Variants in MTNR1B observed in about 807,000 individuals in gnomAD.
MTNR1B encodes the protein melatonin receptor type 1B.
A neutral mutation model predicts 7.0 loss-of-function variants in MTNR1B; 7 were observed. The ratio of observed to expected loss-of-function variants is 1.00; its 90% CI spans 0.57 to 1.88. The LOEUF (loss-of-function observed/expected upper bound fraction) is 1.88, where lower values mean the gene tolerates loss of function less well. MTNR1B is among the 40% of genes most tolerant of loss of function. MTNR1B has a pLI of 0.00. For missense variants in MTNR1B, 478 were observed against 486.5 expected (o/e 0.98, Z 0.16); for synonymous variants, 226 against 208.2 (o/e 1.09, Z -0.74).
At position 92,982,072 on chromosome 11, in the gene MTNR1B, C is replaced by A; in HGVS notation, c.849C>A (p.Pro283=). Residue 283 remains proline, a synonymous_variant, in exon 2 of 2, where the codon CCC becomes CCA. Coordinates refer to ENST00000257068, the MANE Select transcript of MTNR1B (RefSeq NM_005959.5). ...AVAINPQEMA[P]QIPEGLFVTS... is the part of the protein sequence containing the mutation. ...CCATCAACCCCCAAGAAATGGCTCCCCAGATCCCTGAGGGGCTATTTGTCA... is the reference window on the plus strand; with the variant it reads ...CCATCAACCCCCAAGAAATGGCTCCACAGATCCCTGAGGGGCTATTTGTCA... 1 of 1,614,238 alleles carries A rather than the reference C, an allele frequency of 6.2e-7. No homozygotes were observed. The highest frequency in any genetic ancestry group is 8.5e-7 in the Non-Finnish European group (1 of 1,180,054).
At chr11:92,980,411 C>T (rs1858082049) in intron 1 of MTNR1B, among the ~76,000 whole-genome samples, 2 of 152,170 alleles carry the variant, frequency 1.3e-5, no homozygotes, top group African/African-American at 4.8e-5. Flanking sequence ...ACACTATGAG[C>T]TTTGTATTGC....
At chr11:92,972,807 G>T (rs1451378124) in intron 1 of MTNR1B, among the ~76,000 whole-genome samples, 1 of 151,952 alleles carries the variant, frequency 6.6e-6, no homozygotes, top group Non-Finnish European at 1.5e-5. Flanking sequence ...TTGCATTTTT[G>T]AGCTCTTCCT....
rs1252145548 is a variant in MTNR1B, at chr11:92,981,792, G to A, written c.569G>A (p.Cys190Tyr). Residue 190 changes from cysteine to tyrosine, a missense_variant, in exon 2 of 2, where the codon TGC becomes TAC. Coordinates refer to ENST00000257068, the MANE Select transcript of MTNR1B (RefSeq NM_005959.5). ...GAGTACGACCCACGCATCTATTCCT[G>A]CACCTTCATCCAGACCGCCAGCACC... is the stretch of plus-strand genomic sequence containing the variant. The part of the protein sequence containing the change: ...SLEYDPRIYS[C>Y]TFIQTASTQY... 1 of 1,614,162 alleles carries A rather than the reference G, an allele frequency of 6.2e-7. No individual in the cohort carries two copies. The highest frequency in any genetic ancestry group is 1.7e-5 in the Admixed American group (1 of 60,024).
chr11:92,984,598 G>A (rs1465704021), downstream of MTNR1B, among the ~76,000 whole-genome samples: 1 of 152,174 alleles, frequency 6.6e-6, no homozygotes, highest in African/African-American at 2.4e-5. Context: ...CTAATTTGGA[G>A]GAGAAGGAGG....
chr11:92,976,164 C>T (rs1241226996), intron 1 of MTNR1B, among the ~76,000 whole-genome samples: 1 of 152,156 alleles, frequency 6.6e-6, no homozygotes, highest in Non-Finnish European at 1.5e-5. Context: ...CTCCAGAAAG[C>T]TGGATTCTGC....
intron 1 of MTNR1B, among the ~76,000 whole-genome samples, chr11:92,974,894 G>A (rs886257183): frequency 6.6e-5 from 10 of 152,152 alleles, no homozygotes; most frequent in Admixed American, 2.0e-4. Context: ...GAGCCACCGC[G>A]CCCGGCCTAA....
intron 1 of MTNR1B, among the ~76,000 whole-genome samples, chr11:92,970,832 A>G (rs1228417946): frequency 6.6e-6 from 1 of 152,226 alleles, no homozygotes; most frequent in Non-Finnish European, 1.5e-5. Flanking sequence ...GCAAATTCAA[A>G]TATTAGAGTG....
chr11:92,984,944 C>G (rs1055632721), downstream of MTNR1B: 7 of 455,942 alleles, frequency 1.5e-5, no homozygotes, highest in Admixed American at 4.7e-5. Context: ...TTTGCGGAAA[C>G]AGCAAAATTT....
intron 1 of MTNR1B, among the ~76,000 whole-genome samples, chr11:92,973,162 C>T (rs993596145): frequency 1.9e-4 from 29 of 152,284 alleles, no homozygotes; most frequent in African/African-American, 6.7e-4. Flanking sequence ...TCCCGGATAC[C>T]TGTGCCCTGA....
downstream of MTNR1B, among the ~76,000 whole-genome samples, chr11:92,983,094 A>G (rs368128703): frequency 1.3e-5 from 2 of 152,206 alleles, no homozygotes; most frequent in African/African-American, 4.8e-5. Context: ...TCTTAAAGTG[A>G]AGATCATGCC....
chr11:92,969,658 G>C lies in MTNR1B; in HGVS notation c.-68G>C. Reference sequence around the variant, plus strand: ...GGCAGGGAAGAGAGCGCCCGGCTCAGTACTGCGCGCGCCCTGCGGCTGTCC... The same window carrying C: ...GGCAGGGAAGAGAGCGCCCGGCTCACTACTGCGCGCGCCCTGCGGCTGTCC... On this transcript the variant is annotated 5_prime_UTR_variant, in exon 1 of 2. Transcript: ENST00000257068. 1 of 1,363,908 alleles carries C rather than the reference G, an allele frequency of 7.3e-7. No individual in the cohort carries two copies. Among genetic ancestry groups the C allele is most frequent in the Non-Finnish European group, 9.4e-7 (1 of 1,058,994 alleles). 84.5% of individuals were successfully genotyped at this position (1,363,908 alleles called of 1,614,324 possible).
intron 1 of MTNR1B, among the ~76,000 whole-genome samples, chr11:92,978,902 G>A (rs560273751): frequency 2.6e-4 from 39 of 152,264 alleles, no homozygotes; most frequent in East Asian, 1.2e-3. Flanking sequence ...AGCTGGCACC[G>A]GCTCCCAGCA....
intron 1 of MTNR1B, among the ~76,000 whole-genome samples, chr11:92,980,456 G>A (rs1460842692): frequency 6.6e-6 from 1 of 152,228 alleles, no homozygotes; most frequent in Non-Finnish European, 1.5e-5. Flanking sequence ...CTATTCGTGA[G>A]TCAGTGTTGG....
At chr11:92,983,530 A>G (rs1858153771), downstream of MTNR1B, among the ~76,000 whole-genome samples, 2 of 151,982 alleles carry the variant, frequency 1.3e-5, no homozygotes, top group Non-Finnish European at 2.9e-5. Context: ...GAAAAAAAAA[A>G]AAAAAGAAGA....
At chr11:92,970,058 C>A (rs1857900898) in intron 1 of MTNR1B, 110 bp downstream of exon 1, 1 of 1,326,168 alleles carries the variant, frequency 7.5e-7, no homozygotes, top group East Asian at 2.9e-5. Flanking sequence ...GCCCGGGCTC[C>A]CCTTTCCCTT....
intron 1 of MTNR1B, among the ~76,000 whole-genome samples, chr11:92,973,191 C>A (rs753440984): frequency 1.5e-4 from 23 of 152,068 alleles, no homozygotes; most frequent in Non-Finnish European, 3.2e-4. Context: ...TTTGGTTCCT[C>A]CTACTCTTTC....
chr11:92,970,203 C>T (rs565268582), intron 1 of MTNR1B, among the ~76,000 whole-genome samples: 2 of 152,292 alleles, frequency 1.3e-5, no homozygotes, highest in South Asian at 4.2e-4. Flanking sequence ...GCTTTTTGGC[C>T]GGGCGCCGGC....
In MTNR1B at chr11:92,977,423, C is replaced by T. The variant is rs940263726; in HGVS notation, c.224-4024C>T. On this transcript the variant is annotated intron_variant, in intron 1 of 1. Coordinates refer to ENST00000257068, the MANE Select transcript of MTNR1B (RefSeq NM_005959.5). ...TTATTTCAAATGCCCATCCCCAGAACATAATAAGAATATCTCACATTAATT... is the reference window on the plus strand; with the variant it reads ...TTATTTCAAATGCCCATCCCCAGAATATAATAAGAATATCTCACATTAATT... Among the ~76,000 whole-genome samples the T allele has an allele frequency of 2.0e-5, 3 of 152,242 alleles. No individual in the cohort carries two copies. The South Asian group carries it at 6.2e-4, about 31-fold the overall frequency.
rs1469683257 is a variant in MTNR1B, at chr11:92,981,933, A to C, written c.710A>C (p.Glu237Ala). 5 of 1,614,230 alleles carry C rather than the reference A, an allele frequency of 3.1e-6. No individual in the cohort carries two copies. Among genetic ancestry groups the C allele is most frequent in the Admixed American group, 1.7e-5 (1 of 60,028 alleles). The part of the protein sequence containing the change: ...VLQARRKAKP[E>A]SRLCLKPSDL... Reference sequence around the variant, plus strand: ...CAGGCCCGCAGGAAAGCCAAGCCAGAGAGCAGGCTGTGCCTGAAGCCCAGC... The same window carrying C: ...CAGGCCCGCAGGAAAGCCAAGCCAGCGAGCAGGCTGTGCCTGAAGCCCAGC... Residue 237 changes from glutamate to alanine, a missense_variant, in exon 2 of 2, where the codon GAG (glutamate) becomes GCG (alanine). Coordinates refer to ENST00000257068, the MANE Select transcript of MTNR1B (RefSeq NM_005959.5).
Sources: gnomAD v4.1 joint callset for allele counts (sites outside exome capture counted in the v4.1 genomes callset) on GRCh38, gnomAD v4.1.1 for gene constraint, MANE v1.5 for transcripts, NCBI Gene and HGNC (gene_info 2026-07-23, HGNC 2026-07-21) for gene names.